The following REL variants were observed in gnomAD, a reference collection of about 807,000 sequenced individuals.
REL encodes proto-oncogene c-Rel.
In REL, 15 loss-of-function variants were observed where a neutral mutation model predicts 45.9. The ratio of observed to expected loss-of-function variants is 0.33; its 90% CI spans 0.22 to 0.50. REL has a LOEUF of 0.50. Among genes scored for constraint, REL ranks in the 20% least tolerant of loss-of-function variants. REL has a pLI of 0.98. For synonymous variants in REL, 239 were observed against 242.1 expected, an observed-to-expected ratio of 0.99 and a Z score of 0.12; for missense variants, 601 against 715.2, an observed-to-expected ratio of 0.84 and a Z score of 1.82.
intron 1 of REL, among the ~76,000 whole-genome samples, chr2:60,882,647 C>T (rs1331640931): frequency 6.6e-6 from 1 of 151,838 alleles, no homozygotes; most frequent in Non-Finnish European, 1.5e-5. Flanking sequence ...TGCACTCCAG[C>T]CTGGGCGACA....
intron 4 of REL, among the ~76,000 whole-genome samples, chr2:60,907,315 T>C (rs1673688376): frequency 6.6e-6 from 1 of 152,150 alleles, no homozygotes; most frequent in African/African-American, 2.4e-5. Flanking sequence ...AGGACTGTCT[T>C]CCTTGTATCT....
At chr2:60,884,122 T>A (rs1448588788) in intron 1 of REL, among the ~76,000 whole-genome samples, 1 of 151,198 alleles carries the variant, frequency 6.6e-6, no homozygotes, top group Non-Finnish European at 1.5e-5. Context: ...AAAAAGAAAT[T>A]GCTTAGTTTT....
chr2:60,899,139 A>T (rs150397868), intron 3 of REL: 1 of 152,254 alleles, frequency 6.6e-6, no homozygotes, highest in African/African-American at 2.4e-5. Flanking sequence ...AAGTGGAAAT[A>T]CTTTTGAGGA....
At chr2:60,915,053 G>C (rs1350244669) in intron 4 of REL, among the ~76,000 whole-genome samples, 1 of 150,760 alleles carries the variant, frequency 6.6e-6, no homozygotes, top group Non-Finnish European at 1.5e-5. Context: ...GGATGGTCTC[G>C]ATCTCCCAAC....
At chr2:60,916,041 A>G (rs1350846411) in intron 4 of REL, among the ~76,000 whole-genome samples, 2 of 152,218 alleles carry the variant, frequency 1.3e-5, no homozygotes, top group African/African-American at 4.8e-5. Context: ...TTAAAAGCAT[A>G]GGCTCTAAAT....
intron 1 of REL, among the ~76,000 whole-genome samples, chr2:60,883,768 G>A (rs1185257132): frequency 6.6e-6 from 1 of 151,504 alleles, no homozygotes; most frequent in African/African-American, 2.4e-5. Flanking sequence ...TGAGGAGGAA[G>A]GATTCCCTAA....
At chr2:60,892,074 G>A (rs746585093) in intron 2 of REL, among the ~76,000 whole-genome samples, 1 of 151,874 alleles carries the variant, frequency 6.6e-6, no homozygotes, top group Non-Finnish European at 1.5e-5. Context: ...ATTAACCTAA[G>A]TAGAGCGACT....
intron 4 of REL, among the ~76,000 whole-genome samples, chr2:60,905,158 G>A (rs1418294046): frequency 4.6e-5 from 7 of 152,118 alleles, no homozygotes; most frequent in Middle Eastern, 3.2e-3. Flanking sequence ...GCAGTGGCAC[G>A]ATCTCGGCTC....
intron 7 of REL, among the ~76,000 whole-genome samples, chr2:60,919,487 G>A (rs1308017793): frequency 2.6e-5 from 4 of 151,974 alleles, no homozygotes; most frequent in East Asian, 1.9e-4. Context: ...GTACAGTGGC[G>A]CAATCCTGGC....
chr2:60,920,577 A>G lies in REL; in HGVS notation c.926A>G (p.Asn309Ser). 6.3e-7 allele frequency: 1 copy of G among 1,592,882 alleles called. No individual in the cohort carries two copies. The highest frequency in any genetic ancestry group is 1.1e-5 in the South Asian group (1 of 90,156). ...LFQKLCQDHVNFPERPRPGLL... is the reference protein window; with the variant it reads ...LFQKLCQDHVSFPERPRPGLL... ...TGGAAAAACTTTATCCTAACAGTTA[A>G]TTTTCCTGAGAGACCAAGACCTGGT... Residue 309 changes from asparagine to serine, a missense_variant, in exon 9 of 10, where the codon AAT becomes AGT. Coordinates refer to ENST00000394479, the MANE Select transcript of REL (RefSeq NM_001291746.2).
chr2:60,920,797 C>CT (rs765036083), intron 9 of REL, among the ~76,000 whole-genome samples, 155 bp downstream of exon 9: 1 of 152,146 alleles, frequency 6.6e-6, no homozygotes, highest in Non-Finnish European at 1.5e-5. Context: ...TTAAGCATGG[C>CT]TTCTGAAGGT....
Position 60,922,330 on chromosome 2 carries a change from C to T in REL, c.1559C>T (p.Thr520Ile). 1 of 1,614,144 alleles carries T rather than the reference C, an allele frequency of 6.2e-7. No homozygotes were observed. Among genetic ancestry groups the T allele is most frequent in the South Asian group, 1.1e-5 (1 of 91,084 alleles). The change falls in exon 10 of 10, where the codon ACT (threonine) becomes ATT (isoleucine). Residue 520 changes from threonine to isoleucine, a missense_variant. Physicochemically the swap from Thr to Ile is moderately conservative, Grantham distance 89 (BLOSUM62 -1). Transcript: ENST00000394479. ...ATGTCAGCAGGCGCCAATTCCAATA[C>T]TACTGTTTTTGTTTCACAATCAGAT... ...SSMSAGANSN[T>I]TVFVSQSDAF...
intron 9 of REL, among the ~76,000 whole-genome samples, chr2:60,921,417 C>A (rs918653185): frequency 1.3e-5 from 2 of 152,066 alleles, no homozygotes; most frequent in Non-Finnish European, 2.9e-5. Context: ...TATTTGGAAT[C>A]CCATTAATTG....
chr2:60,922,635 T>C lies in REL; in HGVS notation c.*100T>C. On this transcript the variant is annotated 3_prime_UTR_variant, in exon 10 of 10. Transcript: ENST00000394479. ...GATATAATACTATATTTATACTGTATATATAATACTGACTGAGAATATAAT... is the reference window on the plus strand; with the variant it reads ...GATATAATACTATATTTATACTGTACATATAATACTGACTGAGAATATAAT... 1.5e-6 allele frequency: 2 copies of C among 1,376,176 alleles called. No individual in the cohort carries two copies. The highest frequency in any genetic ancestry group is 1.5e-5 in the African/African-American group (1 of 68,658). The allele number at this position is 1,376,176 out of a possible 1,614,324, so 85.2% of individuals were successfully genotyped here.
chr2:60,918,964 T>C (rs969467071), intron 7 of REL, among the ~76,000 whole-genome samples: 8 of 152,232 alleles, frequency 5.3e-5, no homozygotes, highest in Admixed American at 1.3e-4. Flanking sequence ...CTACTACTTT[T>C]GTATTTTTAG....
intron 4 of REL, among the ~76,000 whole-genome samples, chr2:60,914,718 T>C (rs1276981920): frequency 2.6e-5 from 4 of 152,216 alleles, no homozygotes; most frequent in Admixed American, 2.6e-4. Context: ...AGATTAATCT[T>C]TTCTAAAACT....
chr2:60,922,546 TTAAA>T lies in REL; in HGVS notation c.*13_*16del. On this transcript the variant is annotated 3_prime_UTR_variant, in exon 10 of 10. Coordinates refer to ENST00000394479, the MANE Select transcript of REL (RefSeq NM_001291746.2). The stretch of plus-strand genomic sequence containing the variant: ...TTTTTTCAAGTATAACTTGCAAGAT[TTAAA>T]TCCTTTTAAATCTTGATACCACCTA... 6.4e-7 allele frequency: 1 copy of T among 1,572,862 alleles called. No homozygotes were observed. Among genetic ancestry groups the T allele is most frequent in the Non-Finnish European group, 8.6e-7 (1 of 1,161,986 alleles).
rs779907939 is a variant in REL at position 60,920,608 on chromosome 2, C to T, written c.957C>T (p.Leu319=). The change falls in exon 9 of 10, where the codon CTC becomes CTT. Residue 319 remains leucine (L), a synonymous_variant. Coordinates refer to ENST00000394479, the MANE Select transcript of REL (RefSeq NM_001291746.2). ...CTGAGAGACCAAGACCTGGTCTCCTCGGTTCAATTGGAGAAGGAAGATACT... is the reference window on the plus strand; with the variant it reads ...CTGAGAGACCAAGACCTGGTCTCCTTGGTTCAATTGGAGAAGGAAGATACT... ...NFPERPRPGL[L]GSIGEGRYFK... 3.0e-5 allele frequency: 48 copies of T among 1,604,852 alleles called. No homozygotes were observed. The highest frequency in any genetic ancestry group is 2.8e-4 in the African/African-American group (21 of 74,632).
At chr2:60,903,304 A>C (rs1314962606) in intron 4 of REL, among the ~76,000 whole-genome samples, 1 of 152,220 alleles carries the variant, frequency 6.6e-6, no homozygotes, top group Non-Finnish European at 1.5e-5. Flanking sequence ...TGGAATTCAT[A>C]TGCAGGTTCC....
Sources: gnomAD v4.1 joint callset for allele counts (sites outside exome capture counted in the v4.1 genomes callset) on GRCh38, gnomAD v4.1.1 for gene constraint, MANE v1.5 for transcripts, NCBI Gene and HGNC (gene_info 2026-07-23, HGNC 2026-07-21) for gene names.